Variants in ANK3 observed in about 807,000 individuals in gnomAD.
The protein encoded by ANK3 is ankyrin-3.
Under a neutral mutation model 370.9 loss-of-function variants are expected in ANK3, and 57 were observed. The ratio of observed to expected loss-of-function variants is 0.15; its 90% CI spans 0.12 to 0.19. The LOEUF is 0.19. ANK3 is among the 10% of genes least tolerant of loss of function. The pLI is 1.00. For missense variants in ANK3, 4,439 were observed against 5,302.1 expected, an observed-to-expected ratio of 0.84 and a Z score of 5.06; for synonymous variants, 1,929 against 1,946.3, an observed-to-expected ratio of 0.99 and a Z score of 0.23.
chr10:60,359,098 G>A (rs888340013), intron 1 of ANK3, among the ~76,000 whole-genome samples: 1 of 152,060 alleles, frequency 6.6e-6, no homozygotes, highest in African/African-American at 2.4e-5. Context: ...GTCTCATGCT[G>A]TCTTATTCAC....
intron 18 of ANK3, among the ~76,000 whole-genome samples, chr10:60,177,650 T>A (rs935662946): frequency 4.4e-5 from 6 of 137,468 alleles, no homozygotes; most frequent in Non-Finnish European, 1.5e-5. Context: ...CAGGCTGGAG[T>A]GCAGTGGTGC....
At position 60,389,822 on chromosome 10, in the gene ANK3, C is replaced by G. The variant is rs2062944601; in HGVS notation, c.-284G>C. 8.4e-7 allele frequency: 1 copy of G among 1,193,600 alleles called. No homozygotes were observed. The highest frequency in any genetic ancestry group is 1.0e-6 in the Non-Finnish European group (1 of 959,974). The allele number at this position is 1,193,600 out of a possible 1,614,324, so 73.9% of individuals were successfully genotyped here. A position where few individuals can be genotyped will look rare whatever the true frequency, so the allele number is the denominator to read the frequency against. On this transcript the variant is annotated 5_prime_UTR_variant, in exon 1 of 44. Transcript: ENST00000280772. ...ACCGTAGTGAAGAAGACAGCTGGGA[C>G]AGAGGAAGCTGTATTATGGCTGTAT...
At chr10:60,077,023 A>T (rs2083994479) in intron 36 of ANK3, among the ~76,000 whole-genome samples, 1 of 152,164 alleles carries the variant, frequency 6.6e-6, no homozygotes, top group Admixed American at 6.5e-5. Context: ...TTCCAAAACC[A>T]CTCAAGCCTA....
At chr10:60,149,433 GA>G (rs1214543792) in intron 23 of ANK3, among the ~76,000 whole-genome samples, 6 of 152,074 alleles carry the variant, frequency 3.9e-5, no homozygotes, top group South Asian at 4.2e-4. Context: ...GATTTAGGGG[GA>G]AAAAATATTC....
chr10:60,255,838 T>C lies in ANK3; in HGVS notation c.798+6021A>G, dbSNP rs577099054. On this transcript the variant is annotated intron_variant, in intron 7 of 43. Transcript: ENST00000280772. ...AATCAAAGCTAGTTCCCCAGGTTAG[T>C]GGCTACTGAAGTAACATAGCCCAGG... 9.6e-4 allele frequency among the ~76,000 whole-genome samples: 146 copies of C among 152,318 alleles called. 2 individuals are homozygous for C. The highest frequency in any genetic ancestry group is 3.4e-3 in the African/African-American group (143 of 41,572).
chr10:60,037,332 C>T (rs1298846214), intron 43 of ANK3, among the ~76,000 whole-genome samples: 2 of 152,126 alleles, frequency 1.3e-5, no homozygotes, highest in Non-Finnish European at 2.9e-5. Flanking sequence ...TCTAAACATG[C>T]ACACAAACAA....
chr10:60,395,549 CCTCT>C (rs752806796), intron 2 of ANK3, among the ~76,000 whole-genome samples: 3,506 of 118,708 alleles, frequency 0.03, 80 homozygotes, highest in South Asian at 0.052. Context: ...AACTACTATG[CCTCT>C]TTCTTTCTTT....
chr10:60,247,728 C>T (rs555451344), intron 7 of ANK3, among the ~76,000 whole-genome samples: 94 of 152,228 alleles, frequency 6.2e-4, no homozygotes, highest in African/African-American at 1.9e-3. Context: ...AATGCAGTGG[C>T]GCGATCTTGG....
chr10:60,370,445 A>G (rs2059958175), intron 1 of ANK3, among the ~76,000 whole-genome samples: 1 of 152,150 alleles, frequency 6.6e-6, no homozygotes, highest in Non-Finnish European at 1.5e-5. Context: ...TGAAAAATTA[A>G]TTTAAAAAGA....
intron 8 of ANK3, among the ~76,000 whole-genome samples, chr10:60,222,214 A>G (rs560768082): frequency 6.6e-5 from 10 of 152,304 alleles, no homozygotes; most frequent in African/African-American, 2.4e-4. Flanking sequence ...GCTGCACAAG[A>G]TATCAATGAT....
intron 1 of ANK3, among the ~76,000 whole-genome samples, chr10:60,707,881 G>A (rs2079642322): frequency 6.6e-6 from 1 of 152,030 alleles, no homozygotes; most frequent in Non-Finnish European, 1.5e-5. Context: ...TTTGAAGGGT[G>A]AGAAAAACAA....
Position 60,076,327 on chromosome 10 carries a change from C to G in ANK3, c.4554G>C (p.Lys1518Asn), listed in dbSNP as rs374149883. The G allele has an allele frequency of 6.2e-7, 1 of 1,614,064 alleles. No homozygotes were observed. Among genetic ancestry groups the G allele is most frequent in the Non-Finnish European group, 8.5e-7 (1 of 1,179,984 alleles). Residue 1518 changes from lysine (K) to asparagine (N), a missense_variant, in exon 37 of 44, where the codon AAG (lysine) becomes AAC (asparagine). This residue lies in a region of ANK3 where 679 missense variants were observed against 791.0 expected (regional missense o/e 0.86). Coordinates refer to ENST00000280772, the MANE Select transcript of ANK3 (RefSeq NM_020987.5). Reference protein sequence around the residue: ...TAPITVPGPAKSGFTSLSSSS... With the variant: ...TAPITVPGPANSGFTSLSSSS... The stretch of plus-strand genomic sequence containing the variant: ...AACTTGATAAGGAAGTGAAGCCTGA[C>G]TTGGCTGGCCCAGGCACTGTAATCG...
chr10:60,511,076 C>T (rs926661597), intron 2 of ANK3, among the ~76,000 whole-genome samples: 1 of 152,116 alleles, frequency 6.6e-6, no homozygotes, highest in Non-Finnish European at 1.5e-5. Context: ...TTTCTTATGA[C>T]TATATTTTAG....
chr10:60,429,856 T>C (rs1284181640), intron 2 of ANK3, among the ~76,000 whole-genome samples: 1 of 152,202 alleles, frequency 6.6e-6, no homozygotes, highest in Non-Finnish European at 1.5e-5. Flanking sequence ...CAGTAAGTCA[T>C]CACTTTGAAT....
intron 1 of ANK3, among the ~76,000 whole-genome samples, chr10:60,687,533 A>ACACACAC (rs375712984): frequency 2.5e-4 from 17 of 68,596 alleles, no homozygotes; most frequent in African/African-American, 8.1e-4. Flanking sequence ...GGTATAAAAA[A>ACACACAC]AAACACACAC....
At chr10:60,194,314 T>C (rs900684403) in intron 16 of ANK3, among the ~76,000 whole-genome samples, 1 of 152,236 alleles carries the variant, frequency 6.6e-6, no homozygotes, top group South Asian at 2.1e-4. Context: ...TTAACTACTG[T>C]GTATTCACAT....
At chr10:60,445,954 C>T (rs960395177) in intron 2 of ANK3, among the ~76,000 whole-genome samples, 2 of 152,158 alleles carry the variant, frequency 1.3e-5, no homozygotes, top group African/African-American at 4.8e-5. Flanking sequence ...TAACCACTGG[C>T]ATTTGTCATC....
chr10:60,281,641 A>C (rs11816837), intron 1 of ANK3, among the ~76,000 whole-genome samples: 5,686 of 152,276 alleles, frequency 0.037, 338 homozygotes, highest in African/African-American at 0.13. Context: ...GTTTTTTGTG[A>C]ATGAATGCAT....
chr10:60,374,879 G>C (rs1034318769), intron 1 of ANK3, among the ~76,000 whole-genome samples: 2 of 151,972 alleles, frequency 1.3e-5, no homozygotes, highest in African/African-American at 4.8e-5. Flanking sequence ...TTATTGAAGT[G>C]GACATATGTT....
Sources: allele counts gnomAD v4.1 joint callset (sites outside exome capture counted in the v4.1 genomes callset), GRCh38; gene constraint gnomAD v4.1.1; regional missense constraint gnomAD v4.1.1; transcripts MANE v1.5; gene names NCBI Gene and HGNC (gene_info 2026-07-23, HGNC 2026-07-21).